UNC13C: variants seen among roughly 807,000 people sequenced by gnomAD.
UNC13C encodes unc-13 homolog C.
Under a neutral mutation model 245.4 loss-of-function variants are expected in UNC13C, and 174 were observed. The ratio of observed to expected loss-of-function variants is 0.71; its 90% CI spans 0.63 to 0.80. The LOEUF (loss-of-function observed/expected upper bound fraction) is 0.80, where lower values mean the gene tolerates loss of function less well. UNC13C is among the 30% of genes least tolerant of loss of function. The pLI, the probability that UNC13C is intolerant of heterozygous loss-of-function variation, is 0.00. For synonymous variants in UNC13C, 992 were observed against 895.1 expected (o/e 1.11, Z -1.93); for missense variants, 2,829 against 2,602.9 (o/e 1.09, Z -1.89).
intron 17 of UNC13C, among the ~76,000 whole-genome samples, chr15:54,369,260 A>G (rs1457792057): frequency 5.9e-5 from 9 of 151,652 alleles, no homozygotes; most frequent in Non-Finnish European, 1.3e-4. Context: ...TCATGTTATT[A>G]TTGGTAGTTT....
At chr15:54,267,074 TC>T (rs1250552617) in intron 10 of UNC13C, among the ~76,000 whole-genome samples, 90 of 152,204 alleles carry the variant, frequency 5.9e-4, no homozygotes, top group African/African-American at 2.1e-3. Flanking sequence ...TTGGTTTGTT[TC>T]CAGTTTTTGG....
At chr15:54,626,221 G>A (rs1415505693) in intron 32 of UNC13C, among the ~76,000 whole-genome samples, 3 of 152,070 alleles carry the variant, frequency 2.0e-5, no homozygotes, top group African/African-American at 4.8e-5. Flanking sequence ...TGTTAGGAGA[G>A]GCCACACACT....
At chr15:54,366,515 A>C (rs1029089808) in intron 17 of UNC13C, among the ~76,000 whole-genome samples, 1 of 152,168 alleles carries the variant, frequency 6.6e-6, no homozygotes, top group Non-Finnish European at 1.5e-5. Flanking sequence ...TATGTAGTAC[A>C]TTTAACCCAC....
At chr15:54,477,963 G>A (rs62024027) in intron 19 of UNC13C, among the ~76,000 whole-genome samples, 52,297 of 132,910 alleles carry the variant, frequency 0.39, 10,270 homozygotes, top group East Asian at 0.64. Flanking sequence ...TTGGTAAGCT[G>A]TTGATTATTG....
At chr15:53,887,340 TC>T in the UNC13C span, among the ~76,000 whole-genome samples, 1 of 152,190 alleles carries the variant, frequency 6.6e-6, no homozygotes, top group African/African-American at 2.4e-5. Flanking sequence ...TTCTTTTTAT[TC>T]TAAGGTAATT....
Position 54,331,865 on chromosome 15 carries a change from C to A in UNC13C, c.4426-178C>A, listed in dbSNP as rs557057378. On this transcript the variant is annotated intron_variant, in intron 14 of 32. Transcript: ENST00000260323. Reference sequence around the variant, plus strand: ...ATTGAAAAGACCATGAATTTGGTGTCAAAGAGACCTGAGTTTGAATCACTG... The same window carrying A: ...ATTGAAAAGACCATGAATTTGGTGTAAAAGAGACCTGAGTTTGAATCACTG... Among the ~76,000 whole-genome samples the A allele has an allele frequency of 3.3e-5, 5 of 152,120 alleles. No individual in the cohort carries two copies. The East Asian group carries it at 7.7e-4, about 24-fold the overall frequency.
intron 10 of UNC13C, among the ~76,000 whole-genome samples, chr15:54,281,155 T>C (rs924958255): frequency 7.9e-5 from 12 of 152,190 alleles, no homozygotes; most frequent in East Asian, 3.8e-4. Context: ...AGACTGACTA[T>C]ATAAGCATTA....
intron 1 of UNC13C, among the ~76,000 whole-genome samples, chr15:54,003,326 C>A (rs539025091): frequency 6.6e-6 from 1 of 152,258 alleles, no homozygotes; most frequent in East Asian, 1.9e-4. Context: ...TACCTGTATT[C>A]TGCTCTCTGT....
At chr15:54,536,485 G>A (rs571582456) in intron 26 of UNC13C, among the ~76,000 whole-genome samples, 1 of 152,074 alleles carries the variant, frequency 6.6e-6, no homozygotes, top group South Asian at 2.1e-4. Flanking sequence ...CATTCAATGA[G>A]GCCAGCATCA....
At chr15:53,984,317 A>G (rs1373677170) in intron 1 of UNC13C, among the ~76,000 whole-genome samples, 2 of 152,090 alleles carry the variant, frequency 1.3e-5, no homozygotes, top group African/African-American at 4.8e-5. Context: ...AGATACTGAC[A>G]TTTTATACAA....
At chr15:54,297,145 C>T (rs1207010486) in intron 11 of UNC13C, among the ~76,000 whole-genome samples, 1 of 152,052 alleles carries the variant, frequency 6.6e-6, no homozygotes, top group African/African-American at 2.4e-5. Flanking sequence ...AAAATAATTT[C>T]CTATTTATAC....
chr15:54,578,925 C>T (rs1285564607), intron 30 of UNC13C, among the ~76,000 whole-genome samples: 1 of 152,152 alleles, frequency 6.6e-6, no homozygotes, highest in Non-Finnish European at 1.5e-5. Context: ...AGTCATCTCA[C>T]CCAAGAGCAA....
intron 4 of UNC13C, among the ~76,000 whole-genome samples, chr15:54,228,736 A>T (rs1298056301): frequency 6.6e-6 from 1 of 152,108 alleles, no homozygotes; most frequent in Admixed American, 6.5e-5. Context: ...TGCAAGACAA[A>T]GTCCTCTTGC....
At chr15:54,461,755 G>A (rs1891858315) in intron 19 of UNC13C, among the ~76,000 whole-genome samples, 1 of 152,146 alleles carries the variant, frequency 6.6e-6, no homozygotes, top group Non-Finnish European at 1.5e-5. Flanking sequence ...AGTAGCAGAA[G>A]GAGAGGCAAA....
chr15:54,219,058 A>C (rs1160094831), intron 4 of UNC13C, among the ~76,000 whole-genome samples: 2 of 152,050 alleles, frequency 1.3e-5, no homozygotes, highest in Non-Finnish European at 2.9e-5. Context: ...CATCCCCATC[A>C]AGCTACCAAT....
At chr15:54,294,446 G>A (rs930859990) in intron 11 of UNC13C, among the ~76,000 whole-genome samples, 4 of 151,910 alleles carry the variant, frequency 2.6e-5, no homozygotes, top group African/African-American at 7.2e-5. Context: ...TGAAATTTTG[G>A]CAATGAAGGA....
intron 19 of UNC13C, among the ~76,000 whole-genome samples, chr15:54,478,759 G>A (rs925428316): frequency 6.6e-6 from 1 of 151,684 alleles, no homozygotes; most frequent in Non-Finnish European, 1.5e-5. Context: ...AATAGGTGTG[G>A]TGTGGTGCTG....
the UNC13C span, among the ~76,000 whole-genome samples, chr15:53,929,603 T>G: frequency 0.025 from 3,791 of 152,314 alleles, 68 homozygotes; most frequent in Middle Eastern, 0.037. Flanking sequence ...TACATTTAAT[T>G]TGGGCCTTGC....
At chr15:54,511,976 C>G in intron 24 of UNC13C, 146 bp downstream of exon 24, 1 of 681,236 alleles carries the variant, frequency 1.5e-6, no homozygotes, top group South Asian at 1.7e-5. Context: ...TCATTAACAA[C>G]TAAAATGATT....
Sources: gnomAD v4.1 joint callset for allele counts (sites outside exome capture counted in the v4.1 genomes callset) on GRCh38, gnomAD v4.1.1 for gene constraint, MANE v1.5 for transcripts, NCBI Gene and HGNC (gene_info 2026-07-23, HGNC 2026-07-21) for gene names.